The following MIPOL1 variants were observed in gnomAD, a reference collection of about 807,000 sequenced individuals.
MIPOL1 encodes the protein mirror-image polydactyly gene 1 protein.
In MIPOL1, 57 loss-of-function variants were observed where a neutral mutation model predicts 60.9. The ratio of observed to expected loss-of-function variants is 0.94; its 90% CI spans 0.76 to 1.17. MIPOL1 has a LOEUF of 1.17. MIPOL1 is among the 50% of genes most tolerant of loss of function. The pLI is 0.00. For missense variants in MIPOL1, 551 were observed against 511.6 expected (o/e 1.08, Z -0.74); for synonymous variants, 179 against 168.8 (o/e 1.06, Z -0.47).
chr14:37,309,804 A>C (rs2087142292), intron 9 of MIPOL1, among the ~76,000 whole-genome samples: 1 of 151,294 alleles, frequency 6.6e-6, no homozygotes, highest in South Asian at 2.1e-4. Flanking sequence ...CTTCTGTCTC[A>C]GCCTCCTGAG....
Position 37,318,827 on chromosome 14 carries a change from AG to A in MIPOL1, c.828+10309del, listed in dbSNP as rs2088238015. On this transcript the variant is annotated intron_variant, in intron 9 of 12. Coordinates refer to ENST00000684589, the MANE Select transcript of MIPOL1 (RefSeq NM_001388067.1). ...TATTTATTTATTTATTTATTTATTT[AG>A]TTAGTTAGTTAGTTAGTTAAGACAG... 4.4e-4 allele frequency among the ~76,000 whole-genome samples: 66 copies of A among 149,692 alleles called. 1 individual carries two copies. The highest frequency in any genetic ancestry group is 1.5e-3 in the African/African-American group (61 of 39,598).
At chr14:37,443,457 C>CAAAAAAAA (rs3062712) in intron 11 of MIPOL1, among the ~76,000 whole-genome samples, 1 of 45,460 alleles carries the variant, frequency 2.2e-5, no homozygotes, top group African/African-American at 8.1e-5. Flanking sequence ...ACTATCTCAC[C>CAAAAAAAA]AAAAAAAAAA....
intron 11 of MIPOL1, among the ~76,000 whole-genome samples, chr14:37,457,217 T>G (rs1594447925): frequency 1.3e-5 from 2 of 152,284 alleles, no homozygotes; most frequent in African/African-American, 4.8e-5. Flanking sequence ...AGAAAGGGAC[T>G]TTACCTACAA....
At chr14:37,546,848 C>T in intron 12 of MIPOL1, 57 bp from the exon 13 acceptor site, 2 of 1,392,302 alleles carry the variant, frequency 1.4e-6, no homozygotes, top group African/African-American at 1.4e-5. Context: ...CCAGGACATT[C>T]TTAACAATAA....
intron 9 of MIPOL1, among the ~76,000 whole-genome samples, chr14:37,315,305 C>T (rs1567428705): frequency 6.6e-6 from 1 of 152,124 alleles, no homozygotes; most frequent in Admixed American, 6.6e-5. Flanking sequence ...GCCAACCTTA[C>T]ATTTGATTGA....
intron 9 of MIPOL1, among the ~76,000 whole-genome samples, chr14:37,319,030 G>A (rs763270791): frequency 1.3e-5 from 2 of 151,896 alleles, no homozygotes; most frequent in Admixed American, 6.6e-5. Flanking sequence ...TTGTAGAGAC[G>A]GGGTTTCACC....
At chr14:37,426,412 A>G (rs531413722) in intron 11 of MIPOL1, among the ~76,000 whole-genome samples, 51 of 151,362 alleles carry the variant, frequency 3.4e-4, no homozygotes, top group African/African-American at 1.2e-3. Flanking sequence ...TACTAAAAAT[A>G]CAAAAAATTA....
At chr14:37,346,260 C>A (rs572690940) in intron 9 of MIPOL1, among the ~76,000 whole-genome samples, 1 of 152,064 alleles carries the variant, frequency 6.6e-6, no homozygotes, top group Admixed American at 6.6e-5. Context: ...ACCCAGGAGG[C>A]GAAGGTTATA....
At chr14:37,290,674 T>C (rs1330420792) in intron 7 of MIPOL1, among the ~76,000 whole-genome samples, 1 of 152,196 alleles carries the variant, frequency 6.6e-6, no homozygotes, top group African/African-American at 2.4e-5. Context: ...ATTATTTGAT[T>C]CTTCCTTTAT....
chr14:37,395,204 A>T (rs1042079608), intron 10 of MIPOL1, among the ~76,000 whole-genome samples: 3 of 151,910 alleles, frequency 2.0e-5, no homozygotes, highest in African/African-American at 7.2e-5. Context: ...ATACTTCCAA[A>T]TTTGTTCTTT....
At chr14:37,445,118 A>G (rs1461484973) in intron 11 of MIPOL1, among the ~76,000 whole-genome samples, 1 of 152,168 alleles carries the variant, frequency 6.6e-6, no homozygotes, top group Non-Finnish European at 1.5e-5. Context: ...TTCAGTTAGG[A>G]AAAAAGGAAG....
At chr14:37,508,157 A>G (rs1221666590) in intron 12 of MIPOL1, among the ~76,000 whole-genome samples, 1 of 152,190 alleles carries the variant, frequency 6.6e-6, no homozygotes, top group Non-Finnish European at 1.5e-5. Flanking sequence ...AATCATTATT[A>G]TTAGCAAATG....
At chr14:37,541,390 C>A (rs2095529051) in intron 12 of MIPOL1, among the ~76,000 whole-genome samples, 1 of 152,148 alleles carries the variant, frequency 6.6e-6, no homozygotes, top group Non-Finnish European at 1.5e-5. Context: ...GTCTTTTTCA[C>A]CCTACTGCCC....
intron 3 of MIPOL1, among the ~76,000 whole-genome samples, chr14:37,253,998 T>C (rs867131298): frequency 3.3e-5 from 5 of 151,798 alleles, no homozygotes; most frequent in Non-Finnish European, 5.9e-5. Context: ...TGAGATCTGA[T>C]TAAATTTACT....
At chr14:37,275,143 A>G (rs1391129698) in intron 6 of MIPOL1, among the ~76,000 whole-genome samples, 1 of 151,286 alleles carries the variant, frequency 6.6e-6, no homozygotes, top group Non-Finnish European at 1.5e-5. Context: ...AAAAGTTAAA[A>G]TGTGTAATAA....
chr14:37,475,790 A>G (rs1054911473), intron 11 of MIPOL1, among the ~76,000 whole-genome samples: 4 of 152,074 alleles, frequency 2.6e-5, no homozygotes, highest in African/African-American at 9.7e-5. Context: ...CGATTTTTCT[A>G]TTCTTTTGCA....
chr14:37,369,716 G>A, intron 10 of MIPOL1, 92 bp downstream of exon 10: 1 of 840,112 alleles, frequency 1.2e-6, no homozygotes, highest in South Asian at 1.7e-5. Flanking sequence ...GTACATTTCA[G>A]CAGAAGTGAG....
At chr14:37,481,560 A>AACACACACACACACACACACACACAC (rs3062719) in intron 11 of MIPOL1, among the ~76,000 whole-genome samples, 1 of 113,148 alleles carries the variant, frequency 8.8e-6, no homozygotes, top group Non-Finnish European at 1.8e-5. Context: ...GACCCCCCCC[A>AACACACACACACACACACACACACAC]ACACACACAC....
intron 3 of MIPOL1, among the ~76,000 whole-genome samples, chr14:37,250,203 T>C (rs1185168276): frequency 6.6e-6 from 1 of 152,122 alleles, no homozygotes; most frequent in Non-Finnish European, 1.5e-5. Flanking sequence ...CTTTTTGACA[T>C]TGGAAAGAGG....
Sources: allele counts gnomAD v4.1 joint callset (sites outside exome capture counted in the v4.1 genomes callset), GRCh38; gene constraint gnomAD v4.1.1; transcripts MANE v1.5; gene names NCBI Gene and HGNC (gene_info 2026-07-23, HGNC 2026-07-21).